PRDM10: variants seen among roughly 807,000 people sequenced by gnomAD.
PRDM10 encodes PR/SET domain 10.
PRDM10 carries 65 observed loss-of-function variants against 133.1 expected under a neutral mutation model. The observed-to-expected ratio is 0.49, with a 90% CI of 0.40 to 0.60. The LOEUF is 0.60. Among genes scored for constraint, PRDM10 ranks in the 20% least tolerant of loss-of-function variants. The probability of loss-of-function intolerance (pLI) is 0.00; values close to 1 mark genes in which losing one functional copy is unlikely to be tolerated. For synonymous variants in PRDM10, 582 were observed against 580.4 expected, an observed-to-expected ratio of 1.00 and a Z score of -0.04; for missense variants, 1,137 against 1,507.1, an observed-to-expected ratio of 0.75 and a Z score of 4.07.
At chr11:130,000,133 T>G (rs1939270985) in intron 1 of PRDM10, among the ~76,000 whole-genome samples, 1 of 150,192 alleles carries the variant, frequency 6.7e-6, no homozygotes, top group Admixed American at 6.7e-5. Context: ...AAACTCTGCC[T>G]CCCGGGTTCA....
chr11:129,926,235 C>A (rs1189794111), intron 11 of PRDM10, among the ~76,000 whole-genome samples: 1 of 152,138 alleles, frequency 6.6e-6, no homozygotes. Context: ...TCAGTGCAAA[C>A]CCATCGCCAC....
At chr11:129,998,288 G>A (rs1376394992) in intron 1 of PRDM10, among the ~76,000 whole-genome samples, 1 of 152,160 alleles carries the variant, frequency 6.6e-6, no homozygotes, top group East Asian at 1.9e-4. Context: ...GGACAGCACA[G>A]GTCTAAGGGA....
At chr11:129,964,204 T>C (rs1451547712) in intron 1 of PRDM10, among the ~76,000 whole-genome samples, 1 of 152,202 alleles carries the variant, frequency 6.6e-6, no homozygotes, top group Non-Finnish European at 1.5e-5. Flanking sequence ...ACTGGGGTGC[T>C]GCGGGGATCG....
At chr11:129,926,213 G>A (rs1338182970) in intron 11 of PRDM10, among the ~76,000 whole-genome samples, 1 of 152,202 alleles carries the variant, frequency 6.6e-6, no homozygotes, top group Admixed American at 6.5e-5. Flanking sequence ...CCAAGTGGGA[G>A]AGTACGGGTA....
intron 1 of PRDM10, among the ~76,000 whole-genome samples, chr11:130,000,509 G>T (rs557386458): frequency 3.2e-4 from 49 of 152,306 alleles, no homozygotes; most frequent in Non-Finnish European, 6.8e-4. Flanking sequence ...CAGAGCCCTT[G>T]AAGACAGGAA....
intron 1 of PRDM10, among the ~76,000 whole-genome samples, chr11:129,975,164 C>T (rs562922701): frequency 1.7e-4 from 26 of 152,262 alleles, no homozygotes; most frequent in Non-Finnish European, 1.0e-4. Context: ...TAGTGGCTCA[C>T]GCCTGTAATC....
At chr11:129,929,457 A>G in intron 11 of PRDM10, 1 of 1,545,928 alleles carries the variant, frequency 6.5e-7, no homozygotes, top group East Asian at 2.4e-5. Context: ...AAAAATAGTT[A>G]CATTACCAAT....
chr11:129,942,602 C>G lies in PRDM10; in HGVS notation c.790G>C (p.Glu264Gln). The G allele has an allele frequency of 6.2e-7, 1 of 1,613,930 alleles. No individual in the cohort carries two copies. Among genetic ancestry groups the G allele is most frequent in the Non-Finnish European group, 8.5e-7 (1 of 1,179,934 alleles). The change falls in exon 7 of 21, where the codon GAA (glutamate) becomes CAA (glutamine). Residue 264 changes from glutamate (E) to glutamine (Q), a missense_variant. Coordinates refer to ENST00000360871, the MANE Select transcript of PRDM10 (RefSeq NM_199437.2). Reference protein sequence around the residue: ...KVSLDKGDRKERDLHEDLWFE... With the variant: ...KVSLDKGDRKQRDLHEDLWFE... ...CATAGGTCTTCATGTAAATCCCTTT[C>G]TTTCCTGTCCCCTTTATCAAGAGAA...
intron 6 of PRDM10, among the ~76,000 whole-genome samples, chr11:129,943,624 C>G (rs1288341211): frequency 6.6e-6 from 1 of 152,072 alleles, no homozygotes; most frequent in East Asian, 1.9e-4. Flanking sequence ...CTTTGAGAGC[C>G]CAAGGCAGGA....
At chr11:129,928,472 C>T (rs985391638) in intron 11 of PRDM10, among the ~76,000 whole-genome samples, 1 of 152,162 alleles carries the variant, frequency 6.6e-6, no homozygotes, top group African/African-American at 2.4e-5. Flanking sequence ...TCACTGCAGC[C>T]TCGACTTCCC....
At chr11:129,971,255 C>T (rs1011235321) in intron 1 of PRDM10, among the ~76,000 whole-genome samples, 1 of 152,150 alleles carries the variant, frequency 6.6e-6, no homozygotes, top group African/African-American at 2.4e-5. Flanking sequence ...GGGACCCGAG[C>T]GAGTTGCCAC....
chr11:129,991,111 G>A (rs1280945119), intron 1 of PRDM10, among the ~76,000 whole-genome samples: 5 of 152,154 alleles, frequency 3.3e-5, no homozygotes, highest in Admixed American at 2.0e-4. Context: ...AACATAAAGT[G>A]GGATAATGTC....
At chr11:129,957,944 T>C (rs1224068723) in intron 2 of PRDM10, 34 bp from the exon 3 acceptor site, 8 of 1,580,224 alleles carry the variant, frequency 5.1e-6, no homozygotes, top group Non-Finnish European at 6.9e-6. Context: ...ACAAAATCAG[T>C]ATCAGGAAGG....
chr11:129,925,453 T>C (rs1167840494), intron 11 of PRDM10, among the ~76,000 whole-genome samples: 12 of 152,326 alleles, frequency 7.9e-5, no homozygotes, highest in Admixed American at 7.2e-4. Context: ...TTTTTGTGTT[T>C]TGTTTTACAT....
chr11:129,996,759 G>A (rs1565518951), intron 1 of PRDM10, among the ~76,000 whole-genome samples: 1 of 152,164 alleles, frequency 6.6e-6, no homozygotes, highest in Non-Finnish European at 1.5e-5. Flanking sequence ...CAGTTTGACC[G>A]AAGTGGCGGT....
At position 129,973,405 on chromosome 11, in the gene PRDM10, C is replaced by G. The variant is rs1172026742; in HGVS notation, c.-118-12323G>C. On this transcript the variant is annotated intron_variant, in intron 1 of 20. Transcript: ENST00000360871. Reference sequence around the variant, plus strand: ...GTAAGAGGCACCAAGGTAGAACCTTCCCAGCAAGAACTGGCACAAGACAAA... The same window carrying G: ...GTAAGAGGCACCAAGGTAGAACCTTGCCAGCAAGAACTGGCACAAGACAAA... Among the ~76,000 whole-genome samples, 4 of 152,150 alleles carry G rather than the reference C, an allele frequency of 2.6e-5. No individual in the cohort carries two copies. In the East Asian group the frequency reaches 7.7e-4, roughly 29 times the overall value.
chr11:129,992,600 C>T (rs1297696858), intron 1 of PRDM10, among the ~76,000 whole-genome samples: 1 of 152,094 alleles, frequency 6.6e-6, no homozygotes, highest in African/African-American at 2.4e-5. Flanking sequence ...GACTTGATCT[C>T]GAGGGAACCA....
Position 129,912,087 on chromosome 11 carries a change from G to C in PRDM10, c.2980C>G (p.Gln994Glu). The C allele has an allele frequency of 6.2e-7, 1 of 1,606,344 alleles. No individual in the cohort carries two copies. The highest frequency in any genetic ancestry group is 2.2e-5 in the East Asian group (1 of 44,546). The stretch of plus-strand genomic sequence containing the variant: ...AAATAGTCTGTGGAGCAGGGTACCT[G>C]GGCGGAGGACGGGGCCGAGGCGGTA... Reference protein sequence around the residue: ...EPTASAPSSAQVSGQPLSPSA... With the variant: ...EPTASAPSSAEVSGQPLSPSA... Residue 994 changes from glutamine (Q) to glutamate (E), a missense_variant and splice_region_variant, in exon 18 of 21, where the codon CAG becomes GAG. Gln to Glu is a conservative substitution (Grantham distance 29). Transcript: ENST00000360871.
intron 3 of PRDM10, among the ~76,000 whole-genome samples, chr11:129,956,677 T>C (rs1951702294): frequency 6.6e-6 from 1 of 152,248 alleles, no homozygotes; most frequent in Non-Finnish European, 1.5e-5. Context: ...ACTAATCTTA[T>C]TTTAATATAG....
Sources: gnomAD v4.1 joint callset for allele counts (sites outside exome capture counted in the v4.1 genomes callset) on GRCh38, gnomAD v4.1.1 for gene constraint, MANE v1.5 for transcripts, NCBI Gene and HGNC (gene_info 2026-07-23, HGNC 2026-07-21) for gene names.